The following PSPC1 variants were observed in gnomAD, a reference collection of about 807,000 sequenced individuals.
PSPC1 encodes the protein paraspeckle protein 1.
In PSPC1, 14 loss-of-function variants were observed where a neutral mutation model predicts 51.6. The observed-to-expected ratio is 0.27, with a 90% CI of 0.18 to 0.42. The LOEUF is 0.42. PSPC1 is among the 10% of genes least tolerant of loss of function. The pLI, the probability that PSPC1 is intolerant of heterozygous loss-of-function variation, is 1.00. For synonymous variants in PSPC1, 193 were observed against 231.9 expected (o/e 0.83, Z 1.53); for missense variants, 406 against 701.1 (o/e 0.58, Z 4.75).
chr13:19,709,596 C>G lies in PSPC1; in HGVS notation c.1162G>C (p.Glu388Gln). Residue 388 changes from glutamate to glutamine, a missense_variant, in exon 7 of 9, where the codon GAA becomes CAA. Coordinates refer to ENST00000338910, the MANE Select transcript of PSPC1 (RefSeq NM_001354909.2). ...GFKPNYMENREQEMRMGDMGP... is the reference protein window; with the variant it reads ...GFKPNYMENRQQEMRMGDMGP... ...ATATCACCCATTCTCATTTCCTGTT[C>G]TCTCTGTAAGTAAACATAGTTGTCA... The G allele has an allele frequency of 6.2e-7, 1 of 1,611,194 alleles. No individual in the cohort carries two copies. The highest frequency in any genetic ancestry group is 8.5e-7 in the Non-Finnish European group (1 of 1,178,596).
At chr13:19,751,850 T>G (rs1218252194) in intron 3 of PSPC1, among the ~76,000 whole-genome samples, 1 of 152,022 alleles carries the variant, frequency 6.6e-6, no homozygotes, top group Admixed American at 6.6e-5. Context: ...GAGGTCAGGA[T>G]ATCAAGACCA....
At chr13:19,753,412 T>C (rs1566030520) in intron 3 of PSPC1, among the ~76,000 whole-genome samples, 1 of 152,132 alleles carries the variant, frequency 6.6e-6, no homozygotes, top group Non-Finnish European at 1.5e-5. Context: ...ATTTTTGTAT[T>C]TTTTGTAGAG....
At chr13:19,728,439 A>AACACACACACACACACACACACAC (rs56662113) in intron 6 of PSPC1, among the ~76,000 whole-genome samples, 2 of 144,344 alleles carry the variant, frequency 1.4e-5, no homozygotes, top group African/African-American at 2.7e-5. Context: ...TCAAAGCTTA[A>AACACACACACACACACACACACAC]ACACACACAC....
At chr13:19,691,559 T>C (rs1029918833) in intron 6 of PSPC1, among the ~76,000 whole-genome samples, 1 of 151,838 alleles carries the variant, frequency 6.6e-6, no homozygotes, top group South Asian at 2.1e-4. Flanking sequence ...CAAATAAATA[T>C]ACTGATAAAA....
intron 5 of PSPC1, among the ~76,000 whole-genome samples, chr13:19,731,215 T>TCTA (rs1327693372): frequency 2.6e-5 from 4 of 152,286 alleles, no homozygotes; most frequent in African/African-American, 9.6e-5. Flanking sequence ...TGTTATAGCA[T>TCTA]AAACATTTAC....
intron 2 of PSPC1, among the ~76,000 whole-genome samples, chr13:19,767,922 A>G (rs1888225310): frequency 6.6e-6 from 1 of 152,202 alleles, no homozygotes; most frequent in South Asian, 2.1e-4. Flanking sequence ...GGTCACTGTT[A>G]AAGTTAAAAA....
intron 5 of PSPC1, among the ~76,000 whole-genome samples, chr13:19,737,718 T>A (rs1168496612): frequency 3.9e-5 from 6 of 152,184 alleles, no homozygotes; most frequent in Non-Finnish European, 8.8e-5. Context: ...GCAATTATTA[T>A]TAAAGATCGA....
chr13:19,697,085 G>A lies in PSPC1; in HGVS notation c.1159-19262C>T, dbSNP rs776540089. On this transcript the variant is annotated intron_variant and NMD_transcript_variant, in intron 6 of 7. Coordinates refer to the PSPC1 transcript ENST00000471658. The stretch of plus-strand genomic sequence containing the variant: ...ATCCAATCTACAGTGTACTGGGACA[G>A]TCAACTACAGCAACAACAAAAATCA... Among the ~76,000 whole-genome samples, 234 of 152,312 alleles carry A rather than the reference G, an allele frequency of 1.5e-3. 2 individuals carry two copies. Among genetic ancestry groups the A allele is most frequent in the Middle Eastern group, 0.014 (4 of 294 alleles).
At chr13:19,770,086 A>T (rs1393720384) in intron 2 of PSPC1, among the ~76,000 whole-genome samples, 1 of 152,222 alleles carries the variant, frequency 6.6e-6, no homozygotes, top group Admixed American at 6.5e-5. Context: ...AATATGACTC[A>T]GCCATAAAAA....
intron 6 of PSPC1, among the ~76,000 whole-genome samples, chr13:19,687,123 T>A (rs1877981000): frequency 6.6e-6 from 1 of 152,070 alleles, no homozygotes; most frequent in African/African-American, 2.4e-5. Flanking sequence ...ATCACTTGAA[T>A]CCGGGAGGCG....
downstream of PSPC1, among the ~76,000 whole-genome samples, chr13:19,671,557 A>G (rs749079763): frequency 1.3e-5 from 2 of 152,204 alleles, no homozygotes; most frequent in Non-Finnish European, 2.9e-5. Flanking sequence ...CTTGGTATGG[A>G]GTTGCCAAAT....
intron 6 of PSPC1, among the ~76,000 whole-genome samples, chr13:19,729,094 A>C (rs1301113481): frequency 6.6e-6 from 1 of 152,172 alleles, no homozygotes; most frequent in East Asian, 1.9e-4. Context: ...CCCAGGCTAG[A>C]GCTTGCCAAC....
intron 2 of PSPC1, among the ~76,000 whole-genome samples, chr13:19,771,611 T>G (rs1888635910): frequency 1.3e-5 from 2 of 151,580 alleles, no homozygotes; most frequent in African/African-American, 4.8e-5. Context: ...AATTTTTGTA[T>G]TTTTAGAAGA....
chr13:19,752,386 TG>T (rs1886643731), intron 3 of PSPC1, among the ~76,000 whole-genome samples: 1 of 152,112 alleles, frequency 6.6e-6, no homozygotes, highest in South Asian at 2.1e-4. Flanking sequence ...TAAAGGGCTA[TG>T]AATATATTTG....
chr13:19,698,277 A>T (rs1156922627), downstream of PSPC1, among the ~76,000 whole-genome samples: 1 of 152,036 alleles, frequency 6.6e-6, no homozygotes, highest in Non-Finnish European at 1.5e-5. Context: ...AAAAAATTTT[A>T]GATAAAAATT....
At chr13:19,714,321 G>A (rs1881818619) in intron 6 of PSPC1, among the ~76,000 whole-genome samples, 1 of 152,106 alleles carries the variant, frequency 6.6e-6, no homozygotes, top group South Asian at 2.1e-4. Flanking sequence ...TTTTCTATGA[G>A]ATCAATATGA....
intron 2 of PSPC1, among the ~76,000 whole-genome samples, chr13:19,769,944 A>C (rs1278881348): frequency 6.6e-6 from 1 of 152,182 alleles, no homozygotes; most frequent in Non-Finnish European, 1.5e-5. Context: ...AGCCACATGA[A>C]AGCCTAATAT....
rs577561978 is a variant in PSPC1 at position 19,692,915 on chromosome 13, C to T, written c.1159-15092G>A. The stretch of plus-strand genomic sequence containing the variant: ...GGGCTGGATCCCTGATCTATGTGGT[C>T]TCTCTGCTCCAGAACATTGTTTCCA... On this transcript the variant is annotated intron_variant and NMD_transcript_variant, in intron 6 of 7. Transcript: ENST00000471658. Among the ~76,000 whole-genome samples the T allele has an allele frequency of 9.2e-5, 14 of 152,276 alleles. No individual in the cohort carries two copies. In the South Asian group the frequency reaches 1.2e-3, roughly 14 times the overall value.
At chr13:19,694,174 CACAT>C (rs1565965460) in intron 6 of PSPC1, among the ~76,000 whole-genome samples, 2 of 135,650 alleles carry the variant, frequency 1.5e-5, no homozygotes, top group African/African-American at 5.7e-5. Context: ...TATACATACA[CACAT>C]ACACACACAC....
Sources: gnomAD v4.1 joint callset for allele counts (sites outside exome capture counted in the v4.1 genomes callset) on GRCh38, gnomAD v4.1.1 for gene constraint, MANE v1.5 for transcripts, NCBI Gene and HGNC (gene_info 2026-07-23, HGNC 2026-07-21) for gene names.